CTNNA2: variants seen among roughly 807,000 people sequenced by gnomAD.
The protein encoded by CTNNA2 is catenin alpha 2.
In CTNNA2, 42 loss-of-function variants were observed where a neutral mutation model predicts 101.0. That is an observed-to-expected ratio of 0.42 (90% CI 0.32 to 0.54). The LOEUF (loss-of-function observed/expected upper bound fraction) is 0.54. Ranked by LOEUF, CTNNA2 falls within the 20% of genes least tolerant of loss-of-function variation. The probability of loss-of-function intolerance (pLI) is 0.14; values close to 1 mark genes in which losing one functional copy is unlikely to be tolerated. For missense variants in CTNNA2, 871 were observed against 1,223.1 expected, an observed-to-expected ratio of 0.71 and a Z score of 4.29; for synonymous variants, 450 against 456.4, an observed-to-expected ratio of 0.99 and a Z score of 0.18.
At chr2:79,482,977 A>G (rs1237000285) in intron 4 of CTNNA2, among the ~76,000 whole-genome samples, 1 of 152,206 alleles carries the variant, frequency 6.6e-6, no homozygotes, top group Non-Finnish European at 1.5e-5. Context: ...CATCCAGCAG[A>G]CTGTCAACAG....
At chr2:79,549,132 T>A (rs1232498287) in intron 1 of CTNNA2, among the ~76,000 whole-genome samples, 1 of 152,174 alleles carries the variant, frequency 6.6e-6, no homozygotes, top group Non-Finnish European at 1.5e-5. Flanking sequence ...CTGAATTCTG[T>A]CTTTATTATT....
intron 7 of CTNNA2, among the ~76,000 whole-genome samples, chr2:80,301,319 AAG>A (rs1332235284): frequency 6.6e-6 from 1 of 152,146 alleles, no homozygotes; most frequent in Non-Finnish European, 1.5e-5. Context: ...AGCCAGACCA[AAG>A]AGAGCAGTGA....
At position 80,343,088 on chromosome 2, in the gene CTNNA2, AG is replaced by A. The variant is rs1365695950; in HGVS notation, c.1057-50120del. On this transcript the variant is annotated intron_variant, in intron 7 of 18. Coordinates refer to ENST00000402739, the MANE Select transcript of CTNNA2 (RefSeq NM_001282597.3). ...TATGAGGAAACAGTTACATTGGGTT[AG>A]GGCATATCTAATGACCTCATCTTAA... 2.6e-5 allele frequency among the ~76,000 whole-genome samples: 4 copies of A among 152,318 alleles called. No homozygotes were observed. The East Asian group carries it at 7.7e-4, about 29-fold the overall frequency.
chr2:80,630,065 T>C (rs548031160), intron 18 of CTNNA2, among the ~76,000 whole-genome samples: 11 of 152,212 alleles, frequency 7.2e-5, no homozygotes, highest in African/African-American at 2.4e-4. Context: ...ACCACAGTAA[T>C]CCTCTAGACA....
chr2:79,982,220 A>G (rs565897670), intron 7 of CTNNA2, among the ~76,000 whole-genome samples: 1,548 of 41,866 alleles, frequency 0.037, 130 homozygotes, highest in African/African-American at 0.084. Flanking sequence ...ATATATATAT[A>G]TATATATATA....
rs150278758 is a variant in CTNNA2, at chr2:80,066,355, A to G, written c.1056+156558A>G. Among the ~76,000 whole-genome samples the G allele has an allele frequency of 2.4e-3, 371 of 152,282 alleles. 1 individual carries two copies. Among genetic ancestry groups the G allele is most frequent in the Middle Eastern group, 6.8e-3 (2 of 294 alleles). ...ACAAGAGGTTAATACCTAAAATATA[A>G]AAGAAATTCAAACAATAGCAAAAAA... is the stretch of plus-strand genomic sequence containing the variant. On this transcript the variant is annotated intron_variant, in intron 7 of 18. Coordinates refer to ENST00000402739, the MANE Select transcript of CTNNA2 (RefSeq NM_001282597.3).
At chr2:79,796,423 C>G (rs1675706879) in intron 3 of CTNNA2, among the ~76,000 whole-genome samples, 1 of 145,916 alleles carries the variant, frequency 6.9e-6, no homozygotes, top group African/African-American at 2.6e-5. Flanking sequence ...GTGGCCTAAA[C>G]TATGCCCAAG....
At chr2:79,584,699 T>C (rs1254719692) in intron 1 of CTNNA2, among the ~76,000 whole-genome samples, 1 of 152,078 alleles carries the variant, frequency 6.6e-6, no homozygotes, top group Non-Finnish European at 1.5e-5. Context: ...TTTATATTTT[T>C]AGTAGAGATG....
chr2:79,812,003 C>T (rs747139801), intron 3 of CTNNA2, among the ~76,000 whole-genome samples: 30 of 152,138 alleles, frequency 2.0e-4, no homozygotes, highest in Admixed American at 1.2e-3. Context: ...TAAAAAATTT[C>T]GATTTCCAAT....
intron 2 of CTNNA2, among the ~76,000 whole-genome samples, chr2:79,216,527 T>G (rs1012132352): frequency 3.4e-5 from 5 of 147,928 alleles, no homozygotes; most frequent in African/African-American, 5.0e-5. Context: ...GAGGTTGGGG[T>G]GCAGAAATAA....
At chr2:80,299,970 T>C (rs1189742454) in intron 7 of CTNNA2, among the ~76,000 whole-genome samples, 1 of 152,136 alleles carries the variant, frequency 6.6e-6, no homozygotes, top group Non-Finnish European at 1.5e-5. Context: ...TTTTTTGTTT[T>C]CTAAAAAAGG....
chr2:80,341,937 G>T (rs1672285546), intron 7 of CTNNA2, among the ~76,000 whole-genome samples: 1 of 152,152 alleles, frequency 6.6e-6, no homozygotes, highest in South Asian at 2.1e-4. Context: ...CAATAAAAAA[G>T]AATGAAGTAG....
chr2:80,235,870 T>A (rs1709524152), intron 7 of CTNNA2, among the ~76,000 whole-genome samples: 1 of 152,192 alleles, frequency 6.6e-6, no homozygotes, highest in Admixed American at 6.5e-5. Flanking sequence ...AGTAAACTTG[T>A]GTCATGGGGG....
At chr2:79,848,657 C>T (rs1680432831) in intron 3 of CTNNA2, among the ~76,000 whole-genome samples, 1 of 152,182 alleles carries the variant, frequency 6.6e-6, no homozygotes, top group Non-Finnish European at 1.5e-5. Flanking sequence ...TAGCTCATAA[C>T]ATTCAATACA....
At chr2:79,362,401 A>T (rs1677651529) in intron 3 of CTNNA2, among the ~76,000 whole-genome samples, 1 of 152,220 alleles carries the variant, frequency 6.6e-6, no homozygotes, top group Non-Finnish European at 1.5e-5. Flanking sequence ...GATCAAGCTA[A>T]TTAACATATT....
intron 7 of CTNNA2, among the ~76,000 whole-genome samples, chr2:80,370,925 T>A (rs886850750): frequency 6.6e-6 from 1 of 152,212 alleles, no homozygotes; most frequent in Non-Finnish European, 1.5e-5. Flanking sequence ...TCTACATATT[T>A]TTTAATGCTA....
intron 2 of CTNNA2, among the ~76,000 whole-genome samples, chr2:79,263,343 T>A (rs1033668819): frequency 6.6e-5 from 10 of 152,084 alleles, no homozygotes; most frequent in Non-Finnish European, 1.5e-4. Context: ...TAATGAGACA[T>A]CTTGTTGTTT....
intron 2 of CTNNA2, among the ~76,000 whole-genome samples, chr2:79,708,822 A>G (rs1685556003): frequency 1.3e-5 from 2 of 152,312 alleles, no homozygotes; most frequent in East Asian, 3.9e-4. Context: ...TACAAGGACT[A>G]TGGCTTTAGA....
chr2:79,246,465 C>A (rs374405926), intron 2 of CTNNA2, among the ~76,000 whole-genome samples: 3 of 152,274 alleles, frequency 2.0e-5, no homozygotes, highest in African/African-American at 7.2e-5. Context: ...CCACCACCTG[C>A]GAAACTGTCA....
Sources: allele counts gnomAD v4.1 joint callset (sites outside exome capture counted in the v4.1 genomes callset), GRCh38; gene constraint gnomAD v4.1.1; transcripts MANE v1.5; gene names NCBI Gene and HGNC (gene_info 2026-07-23, HGNC 2026-07-21).